The following GRXCR1 variants were observed in gnomAD, a reference collection of about 807,000 sequenced individuals.
The protein encoded by GRXCR1 is glutaredoxin domain-containing cysteine-rich protein 1.
Under a neutral mutation model 27.3 loss-of-function variants are expected in GRXCR1, and 27 were observed. The observed-to-expected ratio is 0.99, with a 90% CI of 0.73 to 1.37. GRXCR1 has a LOEUF of 1.37. GRXCR1 is among the 40% of genes most tolerant of loss of function. The pLI, the probability that GRXCR1 is intolerant of heterozygous loss-of-function variation, is 0.00. For synonymous variants in GRXCR1, 122 were observed against 131.1 expected (o/e 0.93, Z 0.47); for missense variants, 379 against 354.4 (o/e 1.07, Z -0.56).
intron 1 of GRXCR1, among the ~76,000 whole-genome samples, chr4:42,955,567 G>A (rs1423567596): frequency 6.6e-6 from 1 of 152,074 alleles, no homozygotes; most frequent in Non-Finnish European, 1.5e-5. Context: ...TCCTTGTCAA[G>A]GATATGAGGA....
At chr4:42,991,045 C>T (rs1711956090) in intron 2 of GRXCR1, among the ~76,000 whole-genome samples, 1 of 151,946 alleles carries the variant, frequency 6.6e-6, no homozygotes, top group South Asian at 2.1e-4. Context: ...ATGATTTAAT[C>T]TTTTATTCTT....
chr4:42,905,906 A>G (rs969630720), intron 1 of GRXCR1, among the ~76,000 whole-genome samples: 13 of 152,196 alleles, frequency 8.5e-5, no homozygotes, highest in Non-Finnish European at 1.9e-4. Context: ...AACAAGCAAC[A>G]GTGCCTGCCA....
At chr4:43,000,474 T>TAAAA (rs35604158) in intron 2 of GRXCR1, among the ~76,000 whole-genome samples, 1 of 112,784 alleles carries the variant, frequency 8.9e-6, no homozygotes, top group African/African-American at 3.5e-5. Context: ...GGCTCTATCT[T>TAAAA]AAAAAAAAAA....
chr4:42,974,167 T>G (rs915420462), intron 2 of GRXCR1, among the ~76,000 whole-genome samples: 3 of 152,014 alleles, frequency 2.0e-5, no homozygotes, highest in Admixed American at 2.0e-4. Context: ...CTTGAGGAGT[T>G]CTGGGCTGGG....
At chr4:42,983,840 T>TTC (rs898478652) in intron 2 of GRXCR1, among the ~76,000 whole-genome samples, 1 of 110,794 alleles carries the variant, frequency 9.0e-6, no homozygotes, top group African/African-American at 3.1e-5. Flanking sequence ...TTTTCTTTCT[T>TTC]TTTTTTTTTT....
At chr4:42,962,138 G>A (rs1333186730) in intron 1 of GRXCR1, among the ~76,000 whole-genome samples, 1 of 151,944 alleles carries the variant, frequency 6.6e-6, no homozygotes, top group Non-Finnish European at 1.5e-5. Context: ...CATCTGAAAT[G>A]TAGAAAAAGA....
chr4:42,980,661 C>T lies in GRXCR1; in HGVS notation c.627+17527C>T, dbSNP rs114872431. Among the ~76,000 whole-genome samples the T allele has an allele frequency of 8.7e-3, 1,324 of 152,016 alleles. 14 individuals carry two copies. Among genetic ancestry groups the T allele is most frequent in the African/African-American group, 0.03 (1,238 of 41,488 alleles). ...CCTGTTACATCTATTTTGTCTAGTG[C>T]GCAGTTTAAATACAATATTTTCTTA... On this transcript the variant is annotated intron_variant, in intron 2 of 3. Coordinates refer to ENST00000399770, the MANE Select transcript of GRXCR1 (RefSeq NM_001080476.3).
At chr4:42,910,670 A>G (rs80323602) in intron 1 of GRXCR1, among the ~76,000 whole-genome samples, 11,280 of 152,230 alleles carry the variant, frequency 0.074, 909 homozygotes, top group East Asian at 0.35. Flanking sequence ...GTGAGATGGA[A>G]CAAAAGATGC....
At chr4:43,026,750 C>T (rs1384911397) in intron 3 of GRXCR1, among the ~76,000 whole-genome samples, 1 of 152,054 alleles carries the variant, frequency 6.6e-6, no homozygotes, top group Non-Finnish European at 1.5e-5. Context: ...TTTTAAAAAC[C>T]AGCTTAGAGG....
intron 1 of GRXCR1, among the ~76,000 whole-genome samples, chr4:42,956,096 G>A (rs1424265667): frequency 6.6e-6 from 1 of 152,084 alleles, no homozygotes; most frequent in Non-Finnish European, 1.5e-5. Context: ...TAGCTATTTG[G>A]TAACTCCTTA....
chr4:42,896,458 C>T (rs1025099933), intron 1 of GRXCR1, among the ~76,000 whole-genome samples: 2 of 152,056 alleles, frequency 1.3e-5, no homozygotes, highest in Admixed American at 6.6e-5. Context: ...CCTGGCTGCT[C>T]AGGTGGGCGT....
intron 1 of GRXCR1, among the ~76,000 whole-genome samples, chr4:42,938,913 T>C (rs1462342513): frequency 2.6e-5 from 4 of 151,972 alleles, no homozygotes; most frequent in Non-Finnish European, 4.4e-5. Context: ...ACTATAGCTC[T>C]GTAGTATCAT....
At chr4:43,006,191 A>C (rs995201946) in intron 2 of GRXCR1, among the ~76,000 whole-genome samples, 1 of 152,212 alleles carries the variant, frequency 6.6e-6, no homozygotes, top group African/African-American at 2.4e-5. Flanking sequence ...ATATCGCCTC[A>C]GGACCCTGTA....
At chr4:42,982,201 C>A (rs1396205066) in intron 2 of GRXCR1, among the ~76,000 whole-genome samples, 1 of 139,298 alleles carries the variant, frequency 7.2e-6, no homozygotes, top group African/African-American at 2.6e-5. Flanking sequence ...GCTATCCCTC[C>A]CCCCTCCCCC....
At chr4:43,006,097 T>C (rs151218408) in intron 2 of GRXCR1, among the ~76,000 whole-genome samples, 147 of 152,328 alleles carry the variant, frequency 9.7e-4, no homozygotes, top group African/African-American at 3.5e-3. Context: ...CATGGGCACT[T>C]ATCACTTCCC....
chr4:43,024,395 T>C (rs1391908950), intron 3 of GRXCR1, among the ~76,000 whole-genome samples: 1 of 152,106 alleles, frequency 6.6e-6, no homozygotes, highest in Non-Finnish European at 1.5e-5. Context: ...TGGAGAAGTA[T>C]AGCTCTGTAT....
chr4:42,954,361 C>A (rs932014682), intron 1 of GRXCR1, among the ~76,000 whole-genome samples: 6 of 152,162 alleles, frequency 3.9e-5, no homozygotes, highest in Admixed American at 3.3e-4. Flanking sequence ...TACATTTTAC[C>A]ACTATTTTAG....
At chr4:43,015,459 A>C (rs1032382514) in intron 2 of GRXCR1, among the ~76,000 whole-genome samples, 1 of 152,156 alleles carries the variant, frequency 6.6e-6, no homozygotes, top group Non-Finnish European at 1.5e-5. Flanking sequence ...TTTATTTGAA[A>C]ACAATATTTT....
At chr4:42,896,759 T>C (rs550861155) in intron 1 of GRXCR1, among the ~76,000 whole-genome samples, 1 of 152,216 alleles carries the variant, frequency 6.6e-6, no homozygotes, top group Non-Finnish European at 1.5e-5. Flanking sequence ...ATAAAAATAT[T>C]AATGTTCCTT....
Sources: gnomAD v4.1 joint callset for allele counts (sites outside exome capture counted in the v4.1 genomes callset) on GRCh38, gnomAD v4.1.1 for gene constraint, MANE v1.5 for transcripts, NCBI Gene and HGNC (gene_info 2026-07-23, HGNC 2026-07-21) for gene names.